The following KIAA2012 variants were observed in gnomAD, a reference collection of about 807,000 sequenced individuals.
The protein encoded by KIAA2012 is KIAA2012, also known as uncharacterized protein KIAA2012.
Under a neutral mutation model 150.6 loss-of-function variants are expected in KIAA2012, and 125 were observed. The ratio of observed to expected loss-of-function variants is 0.83; its 90% CI spans 0.72 to 0.96. KIAA2012 has a LOEUF of 0.96. Ranked by LOEUF, KIAA2012 falls within the 40% of genes least tolerant of loss-of-function variation. The probability of loss-of-function intolerance (pLI) is 0.00; values close to 1 mark genes in which losing one functional copy is unlikely to be tolerated. For synonymous variants in KIAA2012, 462 were observed against 504.7 expected, an observed-to-expected ratio of 0.92 and a Z score of 1.13; for missense variants, 1,219 against 1,354.9, an observed-to-expected ratio of 0.90 and a Z score of 1.57.
At position 202,109,669 on chromosome 2, in the gene KIAA2012, A is replaced by G. The variant is rs1690294561; in HGVS notation, c.1531A>G (p.Lys511Glu). 6.4e-7 allele frequency: 1 copy of G among 1,550,388 alleles called. No individual in the cohort carries two copies. Among genetic ancestry groups the G allele is most frequent in the African/African-American group, 1.4e-5 (1 of 72,948 alleles). Residue 511 changes from lysine to glutamate, a missense_variant, in exon 10 of 24, where the codon AAA (lysine) becomes GAA (glutamate). Transcript: ENST00000498697. ...ACCATTGGATCTTCTACCCCCGATT[A>G]AAGGAAAAAAAAGTCCTGAGAGCCA... ...APPLDLLPPI[K>E]GKKSPESQKG...
At position 202,186,984 on chromosome 2, in the gene KIAA2012, G is replaced by A. The variant is rs1692240624; in HGVS notation, c.2262G>A (p.Gly754=). The change falls in exon 17 of 24, where the codon GGG becomes GGA. Residue 754 remains glycine (G), a synonymous_variant. Transcript: ENST00000498697. ...TACACAGAGGACTTCTGGGATACGG[G>A]CCTGAGTCACCCGAGAGGTTGAGTG... ...HHLHRGLLGY[G]PESPERLSAV... The A allele has an allele frequency of 6.4e-7, 1 of 1,550,462 alleles. No homozygotes were observed. Among genetic ancestry groups the A allele is most frequent in the African/African-American group, 1.4e-5 (1 of 73,020 alleles).
intron 8 of KIAA2012, among the ~76,000 whole-genome samples, chr2:202,103,359 G>A (rs953345618): frequency 3.3e-5 from 5 of 152,146 alleles, no homozygotes; most frequent in Admixed American, 2.6e-4. Context: ...GGAAGAGAAA[G>A]GAAGACAGGT....
chr2:202,086,138 A>T (rs1349708606), intron 2 of KIAA2012, among the ~76,000 whole-genome samples: 1 of 133,494 alleles, frequency 7.5e-6, no homozygotes, highest in East Asian at 2.3e-4. Flanking sequence ...ACTGCACTCC[A>T]GCCTGGGTGA....
chr2:202,095,762 G>A (rs1027653102), intron 4 of KIAA2012, among the ~76,000 whole-genome samples: 5 of 152,048 alleles, frequency 3.3e-5, no homozygotes, highest in East Asian at 1.9e-4. Flanking sequence ...TCACAATGCC[G>A]CCCACCCCAA....
chr2:202,141,374 T>G, intron 13 of KIAA2012, among the ~76,000 whole-genome samples: 2 of 146,236 alleles, frequency 1.4e-5, no homozygotes, highest in African/African-American at 2.5e-5. Flanking sequence ...GAAGAGGGGG[T>G]GAGGTGGTGG....
chr2:202,159,046 G>C (rs886150389), intron 14 of KIAA2012, among the ~76,000 whole-genome samples: 1 of 152,184 alleles, frequency 6.6e-6, no homozygotes, highest in Non-Finnish European at 1.5e-5. Flanking sequence ...GCCATGCCTG[G>C]AGTTAGAGCT....
intron 12 of KIAA2012, among the ~76,000 whole-genome samples, chr2:202,132,338 G>A (rs1249998854): frequency 6.6e-6 from 1 of 152,106 alleles, no homozygotes; most frequent in Admixed American, 6.5e-5. Flanking sequence ...TGGGACCCCA[G>A]ATATCTTTAT....
chr2:202,139,803 G>A (rs1470195603), intron 13 of KIAA2012, among the ~76,000 whole-genome samples: 1 of 151,852 alleles, frequency 6.6e-6, no homozygotes, highest in African/African-American at 2.4e-5. Flanking sequence ...TGTGACTAAG[G>A]AAAACATAAT....
intron 15 of KIAA2012, among the ~76,000 whole-genome samples, chr2:202,168,888 A>G (rs1290796120): frequency 6.6e-6 from 1 of 152,180 alleles, no homozygotes; most frequent in Non-Finnish European, 1.5e-5. Flanking sequence ...CAAATAAGCC[A>G]TTTCCATCAT....
intron 11 of KIAA2012, 60 bp from the exon 12 acceptor site, chr2:202,125,154 G>C: frequency 7.5e-7 from 1 of 1,331,576 alleles, no homozygotes; most frequent in South Asian, 1.3e-5. Flanking sequence ...TTCGGATAAG[G>C]GAATAAATTT....
Position 202,109,701 on chromosome 2 carries a change from C to G in KIAA2012, c.1563C>G (p.Gly521=), listed in dbSNP as rs773357509. The change falls in exon 10 of 24, where the codon GGC becomes GGG. Residue 521 remains glycine, a synonymous_variant. Transcript: ENST00000498697. ...KGKKSPESQK[G]VDSPRTSDHN... is the part of the protein sequence containing the mutation. ...AAAAAAGTCCTGAGAGCCAGAAGGGCGTGGACAGCCCTAGGACATCAGACC... is the reference window on the plus strand; with the variant it reads ...AAAAAAGTCCTGAGAGCCAGAAGGGGGTGGACAGCCCTAGGACATCAGACC... The G allele has an allele frequency of 6.4e-7, 1 of 1,550,540 alleles. No individual in the cohort carries two copies. Among genetic ancestry groups the G allele is most frequent in the Non-Finnish European group, 8.7e-7 (1 of 1,146,938 alleles).
chr2:202,100,955 T>C (rs1013877853), intron 7 of KIAA2012, among the ~76,000 whole-genome samples: 1 of 152,222 alleles, frequency 6.6e-6, no homozygotes, highest in African/African-American at 2.4e-5. Flanking sequence ...GTCTCTGGCC[T>C]GGTCCTGCCT....
chr2:202,131,109 T>C (rs1019229892), intron 12 of KIAA2012, among the ~76,000 whole-genome samples: 1 of 152,130 alleles, frequency 6.6e-6, no homozygotes, highest in Non-Finnish European at 1.5e-5. Context: ...AATCAGACTG[T>C]GTTCAACAGA....
chr2:202,113,438 C>T lies in KIAA2012; in HGVS notation c.1754C>T (p.Ser585Leu), dbSNP rs765786573. ...CATACCCAAACCGAGGCGCTTCCAT[C>T]GGGTAAAGGTAAGCTAACACATTCC... The part of the protein sequence containing the change: ...PGHTQTEALP[S>L]GKAYESVNSN... The change falls in exon 11 of 24, where the codon TCG (serine) becomes TTG (leucine). Residue 585 changes from serine (S) to leucine (L), a missense_variant. Transcript: ENST00000498697. 1.4e-5 allele frequency: 22 copies of T among 1,547,896 alleles called. No individual in the cohort carries two copies. The highest frequency in any genetic ancestry group is 2.0e-5 in the Admixed American group (1 of 50,854).
chr2:202,155,043 G>A (rs112539603), intron 14 of KIAA2012, among the ~76,000 whole-genome samples: 7,410 of 152,194 alleles, frequency 0.049, 273 homozygotes, highest in Non-Finnish European at 0.073. Flanking sequence ...GGTGGTGGGG[G>A]ACAGGGAACA....
intron 9 of KIAA2012, among the ~76,000 whole-genome samples, chr2:202,108,608 A>G (rs562892369): frequency 6.6e-6 from 1 of 152,230 alleles, no homozygotes; most frequent in South Asian, 2.1e-4. Flanking sequence ...GGATTTTTCT[A>G]TTTCCTCATA....
intron 11 of KIAA2012, chr2:202,116,190 G>A (rs1296388751): frequency 6.6e-6 from 1 of 152,240 alleles, no homozygotes; most frequent in Non-Finnish European, 1.5e-5. Context: ...TTATGCCAAT[G>A]ATTCAGGTTG....
At chr2:202,113,042 C>G in intron 10 of KIAA2012, among the ~76,000 whole-genome samples, 1 of 152,166 alleles carries the variant, frequency 6.6e-6, no homozygotes, top group East Asian at 1.9e-4. Context: ...AGAGTGCCCC[C>G]GCTCACTTAG....
At chr2:202,175,016 T>C (rs1019398386) in intron 15 of KIAA2012, among the ~76,000 whole-genome samples, 2 of 152,242 alleles carry the variant, frequency 1.3e-5, no homozygotes, top group Admixed American at 1.3e-4. Flanking sequence ...TTATTATAAT[T>C]GTTTTGGAAT....
Sources: allele counts gnomAD v4.1 joint callset (sites outside exome capture counted in the v4.1 genomes callset), GRCh38; gene constraint gnomAD v4.1.1; transcripts MANE v1.5; gene names NCBI Gene and HGNC (gene_info 2026-07-23, HGNC 2026-07-21).